The following LRRC4C variants were observed in gnomAD, a reference collection of about 807,000 sequenced individuals.
The protein encoded by LRRC4C is leucine-rich repeat-containing protein 4C.
Under a neutral mutation model 33.6 loss-of-function variants are expected in LRRC4C, and 5 were observed. That is an observed-to-expected ratio of 0.15 (90% confidence interval 0.08 to 0.31). The LOEUF (loss-of-function observed/expected upper bound fraction) is 0.31, where lower values mean the gene tolerates loss of function less well. LRRC4C is among the 10% of genes least tolerant of loss of function. The pLI is 1.00. For missense variants in LRRC4C, 560 were observed against 796.7 expected (o/e 0.70, Z 3.58); for synonymous variants, 329 against 302.0 (o/e 1.09, Z -0.93).
chr11:40,849,392 ACTTAT>A (rs1374551923), intron 2 of LRRC4C, among the ~76,000 whole-genome samples: 1 of 152,056 alleles, frequency 6.6e-6, no homozygotes, highest in African/African-American at 2.4e-5. Context: ...TTTCCCCTTC[ACTTAT>A]GAAGCTTAGT....
At chr11:40,935,484 C>A (rs145457762) in intron 1 of LRRC4C, among the ~76,000 whole-genome samples, 2 of 152,116 alleles carry the variant, frequency 1.3e-5, no homozygotes, top group Non-Finnish European at 2.9e-5. Context: ...CATATTTTCA[C>A]TGTACCCTTT....
chr11:41,447,358 C>A (rs1307783266), intron 1 of LRRC4C, among the ~76,000 whole-genome samples: 7 of 152,100 alleles, frequency 4.6e-5, no homozygotes, highest in Non-Finnish European at 7.4e-5. Context: ...AGAAATTTCC[C>A]AGTTTCCAAT....
At chr11:40,631,674 T>C (rs1355787825) in intron 3 of LRRC4C, among the ~76,000 whole-genome samples, 1 of 152,136 alleles carries the variant, frequency 6.6e-6, no homozygotes, top group East Asian at 1.9e-4. Flanking sequence ...TAACATAGCA[T>C]TGGCAAAGTA....
chr11:40,950,782 C>T (rs1416723012), intron 1 of LRRC4C, among the ~76,000 whole-genome samples: 1 of 151,848 alleles, frequency 6.6e-6, no homozygotes, highest in Non-Finnish European at 1.5e-5. Flanking sequence ...TACATGCTTC[C>T]AGAGTTTTTC....
At chr11:40,317,417 C>G (rs571501526) in intron 4 of LRRC4C, among the ~76,000 whole-genome samples, 1 of 152,068 alleles carries the variant, frequency 6.6e-6, no homozygotes, top group East Asian at 1.9e-4. Context: ...ACTTAGTATC[C>G]AGACTGAAAT....
chr11:40,372,068 C>G (rs1948473807), intron 3 of LRRC4C, among the ~76,000 whole-genome samples: 1 of 152,178 alleles, frequency 6.6e-6, no homozygotes, highest in East Asian at 1.9e-4. Context: ...ACTTCTAAGA[C>G]AGTTTTGCTG....
intron 3 of LRRC4C, among the ~76,000 whole-genome samples, chr11:40,595,172 G>A (rs1164003387): frequency 6.6e-6 from 1 of 151,822 alleles, no homozygotes; most frequent in Non-Finnish European, 1.5e-5. Flanking sequence ...AAAAAAAGAA[G>A]GAGACGTATT....
At chr11:40,466,833 TTCC>T (rs536619215) in intron 3 of LRRC4C, among the ~76,000 whole-genome samples, 2 of 152,116 alleles carry the variant, frequency 1.3e-5, no homozygotes, top group Non-Finnish European at 2.9e-5. Context: ...TACTTCTTAA[TTCC>T]TCCTCTTCTC....
At chr11:41,369,120 G>T (rs1952650571) in intron 1 of LRRC4C, among the ~76,000 whole-genome samples, 1 of 151,974 alleles carries the variant, frequency 6.6e-6, no homozygotes. Context: ...AAATCTAAGT[G>T]CTGGAAAAAA....
intron 1 of LRRC4C, among the ~76,000 whole-genome samples, chr11:41,202,066 C>T (rs556318190): frequency 8.0e-4 from 122 of 152,276 alleles, no homozygotes; most frequent in Non-Finnish European, 1.6e-3. Flanking sequence ...TTACTCCCTG[C>T]CCCACCTCCA....
At chr11:40,700,664 T>G (rs1945822067) in intron 2 of LRRC4C, among the ~76,000 whole-genome samples, 1 of 152,132 alleles carries the variant, frequency 6.6e-6, no homozygotes, top group Non-Finnish European at 1.5e-5. Context: ...CTGCTTCAAG[T>G]GCACTTTCTG....
intron 3 of LRRC4C, among the ~76,000 whole-genome samples, chr11:40,633,960 G>T (rs542884194): frequency 7.2e-5 from 11 of 152,256 alleles, no homozygotes; most frequent in African/African-American, 2.4e-4. Context: ...TGGGTACAAA[G>T]TTTGATAAAT....
At chr11:41,244,149 A>T (rs1365885149) in intron 1 of LRRC4C, among the ~76,000 whole-genome samples, 2 of 145,518 alleles carry the variant, frequency 1.4e-5, no homozygotes, top group Non-Finnish European at 3.0e-5. Context: ...TCATGCTACC[A>T]TGTTAGTTTC....
chr11:40,286,288 C>A (rs1203370820), intron 4 of LRRC4C, among the ~76,000 whole-genome samples: 9 of 152,060 alleles, frequency 5.9e-5, no homozygotes, highest in Admixed American at 3.9e-4. Context: ...AATCTCTGCT[C>A]GGTTGACCAC....
intron 1 of LRRC4C, among the ~76,000 whole-genome samples, chr11:41,435,813 A>G (rs1329119537): frequency 1.3e-5 from 2 of 152,230 alleles, no homozygotes; most frequent in Non-Finnish European, 2.9e-5. Flanking sequence ...CATTTAGAAA[A>G]CATTGAATTG....
At chr11:40,969,452 T>A (rs1325398774) in intron 1 of LRRC4C, among the ~76,000 whole-genome samples, 1 of 102,966 alleles carries the variant, frequency 9.7e-6, no homozygotes. Context: ...TCAAACAGCA[T>A]CTTACACTAC....
intron 1 of LRRC4C, among the ~76,000 whole-genome samples, chr11:41,316,506 T>C (rs969529797): frequency 2.0e-5 from 3 of 152,122 alleles, no homozygotes; most frequent in African/African-American, 7.2e-5. Context: ...TTTTTATATA[T>C]CACCTACAGG....
At chr11:41,294,983 A>G (rs1478131565) in intron 1 of LRRC4C, among the ~76,000 whole-genome samples, 1 of 152,210 alleles carries the variant, frequency 6.6e-6, no homozygotes, top group Non-Finnish European at 1.5e-5. Context: ...TAATAATGTA[A>G]CACTGAATTG....
intron 5 of LRRC4C, among the ~76,000 whole-genome samples, chr11:40,181,207 C>A (rs1449264930): frequency 6.6e-6 from 1 of 152,190 alleles, no homozygotes; most frequent in East Asian, 1.9e-4. Context: ...CTTCCTCCAT[C>A]TCTCCATGTC....
Sources: allele counts gnomAD v4.1 joint callset (sites outside exome capture counted in the v4.1 genomes callset), GRCh38; gene constraint gnomAD v4.1.1; transcripts MANE v1.5; gene names NCBI Gene and HGNC (gene_info 2026-07-23, HGNC 2026-07-21).